CYP7B1: variants seen among roughly 807,000 people sequenced by gnomAD.
The protein encoded by CYP7B1 is cytochrome P450 7B1.
In CYP7B1, 29 loss-of-function variants were observed where a neutral mutation model predicts 42.7. The ratio of observed to expected loss-of-function variants is 0.68; its 90% CI spans 0.51 to 0.93. CYP7B1 has a LOEUF of 0.93. Among genes scored for constraint, CYP7B1 ranks in the 40% least tolerant of loss-of-function variants. The pLI, the probability that CYP7B1 is intolerant of heterozygous loss-of-function variation, is 0.00. For synonymous variants in CYP7B1, 235 were observed against 218.2 expected (o/e 1.08, Z -0.68); for missense variants, 655 against 600.5 (o/e 1.09, Z -0.95).
chr8:64,616,631 T>A (rs1805453608), intron 2 of CYP7B1, among the ~76,000 whole-genome samples: 1 of 152,202 alleles, frequency 6.6e-6, no homozygotes, highest in Non-Finnish European at 1.5e-5. Flanking sequence ...TTTCCCTCAA[T>A]AAAGCAGAAA....
rs989274428 is a variant in CYP7B1, at chr8:64,663,356, C to T, written c.123-38817G>A. Among the ~76,000 whole-genome samples the T allele has an allele frequency of 5.3e-5, 8 of 152,242 alleles. No individual in the cohort carries two copies. The South Asian group carries it at 1.2e-3, about 24-fold the overall frequency. On this transcript the variant is annotated intron_variant, in intron 1 of 5. Coordinates refer to ENST00000310193, the MANE Select transcript of CYP7B1 (RefSeq NM_004820.5). ...TCCAAGCTCTTAGCACAGGGCTTGA[C>T]ACTTAAATGTTTTAAAAAATGGTTG...
At chr8:64,613,145 C>G (rs776068005) in intron 4 of CYP7B1, among the ~76,000 whole-genome samples, 7 of 152,124 alleles carry the variant, frequency 4.6e-5, no homozygotes, top group Non-Finnish European at 1.0e-4. Context: ...GAAGGTACTG[C>G]CTTTATCCAG....
intron 1 of CYP7B1, among the ~76,000 whole-genome samples, chr8:64,765,121 GAA>G (rs34866717): frequency 6.9e-6 from 1 of 144,044 alleles, no homozygotes; most frequent in Non-Finnish European, 1.5e-5. Context: ...TTTGCAGGAT[GAA>G]AAAAAAAAAA....
At chr8:64,793,462 T>A (rs1053550916) in intron 1 of CYP7B1, among the ~76,000 whole-genome samples, 5 of 152,164 alleles carry the variant, frequency 3.3e-5, no homozygotes, top group Non-Finnish European at 7.3e-5. Flanking sequence ...CAATGTAGAT[T>A]ATTTTTATAT....
At chr8:64,617,676 G>C (rs767535140) in intron 2 of CYP7B1, among the ~76,000 whole-genome samples, 2 of 151,892 alleles carry the variant, frequency 1.3e-5, no homozygotes, top group African/African-American at 2.4e-5. Flanking sequence ...ATTCCTGTTT[G>C]TGTCTGTGTG....
At chr8:64,637,052 T>G (rs1379267321) in intron 1 of CYP7B1, among the ~76,000 whole-genome samples, 7 of 152,212 alleles carry the variant, frequency 4.6e-5, no homozygotes, top group Non-Finnish European at 1.0e-4. Context: ...AACTAAATTA[T>G]TACAGAGGAC....
At chr8:64,786,133 G>C in intron 1 of CYP7B1, among the ~76,000 whole-genome samples, 1 of 152,052 alleles carries the variant, frequency 6.6e-6, no homozygotes, top group Non-Finnish European at 1.5e-5. Flanking sequence ...ATTTGGGTGG[G>C]GGAACAGCCA....
At chr8:64,683,369 T>C (rs931348760) in intron 1 of CYP7B1, among the ~76,000 whole-genome samples, 13 of 152,262 alleles carry the variant, frequency 8.5e-5, no homozygotes, top group African/African-American at 3.1e-4. Flanking sequence ...TATTCTTACT[T>C]ATTTGTGGGA....
intron 1 of CYP7B1, among the ~76,000 whole-genome samples, chr8:64,787,974 T>C (rs936614559): frequency 6.6e-6 from 1 of 152,104 alleles, no homozygotes; most frequent in Non-Finnish European, 1.5e-5. Flanking sequence ...TCATGAGTAC[T>C]CACTATCAAG....
rs1563364388 is a variant in CYP7B1, at chr8:64,616,116, T to C, written c.425A>G (p.Tyr142Cys). 1 of 1,613,778 alleles carries C rather than the reference T, an allele frequency of 6.2e-7. No homozygotes were observed. The highest frequency in any genetic ancestry group is 8.5e-7 in the Non-Finnish European group (1 of 1,179,812). The change falls in exon 3 of 6, where the codon TAT becomes TGT. Residue 142 changes from tyrosine (Y) to cysteine (C), a missense_variant. By Grantham distance (194) the Tyr-to-Cys change is radical. Coordinates refer to ENST00000310193, the MANE Select transcript of CYP7B1 (RefSeq NM_004820.5). The stretch of plus-strand genomic sequence containing the variant: ...CAAAGATTTGCCTTGCAAAAATTGA[T>C]AGCAGAGGTGAAGCTCATCATTCAT... ...HDMNDELHLC[Y>C]QFLQGKSLDI...
chr8:64,678,370 G>A (rs1157542044), intron 1 of CYP7B1, among the ~76,000 whole-genome samples: 1 of 152,050 alleles, frequency 6.6e-6, no homozygotes, highest in African/African-American at 2.4e-5. Context: ...TAGGGTTCTT[G>A]TGATCACTAG....
intron 1 of CYP7B1, among the ~76,000 whole-genome samples, chr8:64,676,505 G>T (rs1806448546): frequency 6.6e-6 from 1 of 152,052 alleles, no homozygotes; most frequent in South Asian, 2.1e-4. Flanking sequence ...GATACTTAGG[G>T]TTGAAGTGAA....
intron 1 of CYP7B1, among the ~76,000 whole-genome samples, chr8:64,691,011 T>C (rs1806731349): frequency 6.6e-6 from 1 of 152,138 alleles, no homozygotes; most frequent in Non-Finnish European, 1.5e-5. Flanking sequence ...TCTATAACGC[T>C]CTGGGATGAA....
rs1019024954 is a variant in CYP7B1 at position 64,792,878 on chromosome 8, G to A, written c.122+5588C>T. On this transcript the variant is annotated intron_variant, in intron 1 of 5. Coordinates refer to ENST00000310193, the MANE Select transcript of CYP7B1 (RefSeq NM_004820.5). ...GAGTGAATGCATTTTTTTTAATGTA[G>A]GATGGACATGAATTTTGGGGGCTCA... Among the ~76,000 whole-genome samples, 16 of 152,070 alleles carry A rather than the reference G, an allele frequency of 1.1e-4. 1 individual carries two copies. The highest frequency in any genetic ancestry group is 9.8e-4 in the Admixed American group (15 of 15,268).
At chr8:64,608,697 T>C (rs1414350774) in intron 4 of CYP7B1, among the ~76,000 whole-genome samples, 4 of 152,086 alleles carry the variant, frequency 2.6e-5, no homozygotes, top group Non-Finnish European at 5.9e-5. Context: ...GAAGGTGTCA[T>C]GGAATGGAGT....
intron 3 of CYP7B1, among the ~76,000 whole-genome samples, 159 bp from the exon 4 acceptor site, chr8:64,615,391 G>A (rs1805422569): frequency 6.7e-6 from 1 of 149,354 alleles, no homozygotes; most frequent in Non-Finnish European, 1.5e-5. Flanking sequence ...TCTGCTTAAT[G>A]AGAATAGTTT....
intron 1 of CYP7B1, among the ~76,000 whole-genome samples, chr8:64,632,334 A>G (rs1488600433): frequency 1.3e-5 from 2 of 152,178 alleles, no homozygotes; most frequent in Non-Finnish European, 2.9e-5. Flanking sequence ...AACAAACACT[A>G]CATGATTCCA....
intron 1 of CYP7B1, among the ~76,000 whole-genome samples, chr8:64,739,582 C>T (rs1375204641): frequency 6.6e-6 from 1 of 152,076 alleles, no homozygotes; most frequent in Non-Finnish European, 1.5e-5. Flanking sequence ...GGGACAATTT[C>T]AAAATGTGTA....
At chr8:64,686,389 C>G (rs1464816231) in intron 1 of CYP7B1, among the ~76,000 whole-genome samples, 3 of 35,032 alleles carry the variant, frequency 8.6e-5, no homozygotes, top group African/African-American at 4.2e-4. Flanking sequence ...CCAGCCGCCC[C>G]GTCCGGGAGG....
Sources: allele counts gnomAD v4.1 joint callset (sites outside exome capture counted in the v4.1 genomes callset), GRCh38; gene constraint gnomAD v4.1.1; transcripts MANE v1.5; gene names NCBI Gene and HGNC (gene_info 2026-07-23, HGNC 2026-07-21).